XPO7: variants seen among roughly 807,000 people sequenced by gnomAD.
XPO7 encodes exportin-7.
XPO7 carries 21 observed loss-of-function variants against 144.3 expected under a neutral mutation model. That is an observed-to-expected ratio of 0.15 (90% CI 0.10 to 0.21). The LOEUF is 0.21. Among genes scored for constraint, XPO7 ranks in the 10% least tolerant of loss-of-function variants. The pLI is 1.00. For missense variants in XPO7, 808 were observed against 1,325.8 expected, an observed-to-expected ratio of 0.61 and a Z score of 6.06; for synonymous variants, 580 against 499.6, an observed-to-expected ratio of 1.16 and a Z score of -2.15.
chr8:21,928,499 CTG>C (rs1488900985), intron 1 of XPO7, among the ~76,000 whole-genome samples: 1 of 152,244 alleles, frequency 6.6e-6, no homozygotes, highest in African/African-American at 2.4e-5. Context: ...TTTAAAGAAA[CTG>C]TCAATTTTCC....
intron 1 of XPO7, among the ~76,000 whole-genome samples, chr8:21,946,408 T>G (rs1230962585): frequency 6.6e-6 from 1 of 151,938 alleles, no homozygotes; most frequent in Non-Finnish European, 1.5e-5. Flanking sequence ...GTGAATAGAT[T>G]AGCATATTAG....
At chr8:21,966,365 C>T (rs1811884533) in intron 1 of XPO7, 1 of 774,560 alleles carries the variant, frequency 1.3e-6, no homozygotes, top group African/African-American at 1.7e-5. Flanking sequence ...GTACAGGTGA[C>T]CATCTTTACG....
Position 21,999,628 on chromosome 8 carries a change from C to G in XPO7, c.2736C>G (p.Val912=). ...MNFIASLEPH[V]IMYILSSISE... ...TTATTGCAAGCCTGGAACCTCACGT[C>G]ATCATGTATATTCTCTCTTCCATTT... The change falls in exon 24 of 28, where the codon GTC becomes GTG. Residue 912 remains valine (V), a synonymous_variant. Transcript: ENST00000252512. The G allele has an allele frequency of 6.2e-7, 1 of 1,614,012 alleles. No individual in the cohort carries two copies. The highest frequency in any genetic ancestry group is 8.5e-7 in the Non-Finnish European group (1 of 1,179,900).
At chr8:21,996,017 A>T (rs577292067) in intron 21 of XPO7, among the ~76,000 whole-genome samples, 6 of 152,178 alleles carry the variant, frequency 3.9e-5, no homozygotes, top group Admixed American at 2.0e-4. Context: ...GGGTTTCACC[A>T]TGTTAGCCAG....
chr8:22,002,136 G>GCTC lies in XPO7; in HGVS notation c.2810_2812dup (p.Ser937dup). On this transcript the variant is annotated inframe_insertion, in exon 25 of 28. Transcript: ENST00000252512. ...GACACCATGGTATGCACAGGCTGCT[G>GCTC]CTCCTGCCTGGACCACATTGTGACA... 6.2e-7 allele frequency: 1 copy of GCTC among 1,611,174 alleles called. No homozygotes were observed. The highest frequency in any genetic ancestry group is 8.5e-7 in the Non-Finnish European group (1 of 1,178,704).
intron 5 of XPO7, 124 bp downstream of exon 5, chr8:21,972,065 C>A: frequency 1.2e-6 from 1 of 807,720 alleles, no homozygotes; most frequent in Non-Finnish European, 2.0e-6. Context: ...TGATTAATGC[C>A]CTTTTGAAAC....
Position 21,982,813 on chromosome 8 carries a change from G to A in XPO7, c.1277+1G>A, listed in dbSNP as rs758948401. The A allele has an allele frequency of 6.3e-7, 1 of 1,595,780 alleles. No homozygotes were observed. The highest frequency in any genetic ancestry group is 8.5e-7 in the Non-Finnish European group (1 of 1,173,854). ...TGGAATCTGTGCACATCATACTGAGGTAAGGAAACTTAGCCTCATTCATTC... is the reference window on the plus strand; with the variant it reads ...TGGAATCTGTGCACATCATACTGAGATAAGGAAACTTAGCCTCATTCATTC... On this transcript the variant is annotated splice_donor_variant, in intron 11 of 27. Coordinates refer to ENST00000252512, the MANE Select transcript of XPO7 (RefSeq NM_015024.5). LOFTEE classifies it high-confidence loss of function.
At chr8:22,004,178 CA>C in intron 27 of XPO7, 148 bp downstream of exon 27, 2 of 941,590 alleles carry the variant, frequency 2.1e-6, no homozygotes, top group Non-Finnish European at 3.1e-6. Context: ...CCATGTTAAA[CA>C]GGCAAAATTC....
chr8:21,999,604 T>C lies in XPO7; in HGVS notation c.2712T>C (p.Phe904=), dbSNP rs369903866. The C allele has an allele frequency of 9.9e-6, 16 of 1,614,052 alleles. No homozygotes were observed. The South Asian group carries it at 1.1e-4, about 11-fold the overall frequency. ...TCCTGACCCAGGACCATATGAACTT[T>C]ATTGCAAGCCTGGAACCTCACGTCA... ...LEVLTQDHMN[F]IASLEPHVIM... is the part of the protein sequence containing the mutation. Residue 904 remains phenylalanine (F), a synonymous_variant, in exon 24 of 28, where the codon TTT becomes TTC. Coordinates refer to ENST00000252512, the MANE Select transcript of XPO7 (RefSeq NM_015024.5).
chr8:21,979,564 C>A (rs964906511), intron 8 of XPO7, among the ~76,000 whole-genome samples: 1 of 151,822 alleles, frequency 6.6e-6, no homozygotes, highest in South Asian at 2.1e-4. Flanking sequence ...CCTGCCACCA[C>A]GCCCAGCTAA....
intron 1 of XPO7, among the ~76,000 whole-genome samples, chr8:21,951,028 G>A (rs951298407): frequency 6.6e-6 from 1 of 151,842 alleles, no homozygotes; most frequent in Admixed American, 6.6e-5. Context: ...CCCAAGAGGC[G>A]GAGGCTGGGG....
chr8:21,935,343 T>G (rs1252932259), intron 1 of XPO7, among the ~76,000 whole-genome samples: 1 of 152,250 alleles, frequency 6.6e-6, no homozygotes, highest in East Asian at 1.9e-4. Flanking sequence ...AATGCATTAT[T>G]TCTTTTTATT....
intron 27 of XPO7, among the ~76,000 whole-genome samples, chr8:22,004,252 T>C (rs1813250325): frequency 6.6e-6 from 1 of 152,216 alleles, no homozygotes; most frequent in Non-Finnish European, 1.5e-5. Flanking sequence ...GTGTAATCAG[T>C]ATTTTAAAAT....
At chr8:21,959,160 C>T (rs537217178) in intron 1 of XPO7, among the ~76,000 whole-genome samples, 14 of 152,124 alleles carry the variant, frequency 9.2e-5, no homozygotes, top group East Asian at 5.8e-4. Flanking sequence ...CTGCGAATAA[C>T]GAGGATCAAT....
intron 8 of XPO7, 22 bp downstream of exon 8, chr8:21,977,865 T>C: frequency 1.9e-6 from 3 of 1,603,878 alleles, no homozygotes; most frequent in Non-Finnish European, 2.6e-6. Flanking sequence ...CTACCGTTTC[T>C]TAAAGCAAAC....
At position 21,980,158 on chromosome 8, in the gene XPO7, C is replaced by A; in HGVS notation, c.912C>A (p.Leu304=). The A allele has an allele frequency of 6.2e-7, 1 of 1,604,870 alleles. No individual in the cohort carries two copies. The highest frequency in any genetic ancestry group is 8.5e-7 in the Non-Finnish European group (1 of 1,175,240). ...ACAATGCAGAGAGGGCCAAGTTTCT[C>A]TCTCATCTTGTTGATGGTGTTAAAC... ...LFNNAERAKF[L]SHLVDGVKRI... is the part of the protein sequence containing the mutation. The change falls in exon 9 of 28, where the codon CTC becomes CTA. Residue 304 remains leucine (L), a synonymous_variant. Coordinates refer to ENST00000252512, the MANE Select transcript of XPO7 (RefSeq NM_015024.5).
intron 1 of XPO7, among the ~76,000 whole-genome samples, chr8:21,935,930 T>G (rs997887240): frequency 1.3e-5 from 2 of 152,166 alleles, no homozygotes; most frequent in Non-Finnish European, 2.9e-5. Context: ...CACTATTCTG[T>G]CCCTTGGGGT....
At chr8:22,001,173 G>T (rs991786396) in intron 24 of XPO7, among the ~76,000 whole-genome samples, 2 of 152,116 alleles carry the variant, frequency 1.3e-5, no homozygotes, top group Non-Finnish European at 2.9e-5. Flanking sequence ...CGGCGTGGTG[G>T]TGTGTGCCTG....
rs1309568481 is a variant in XPO7 at position 21,998,944 on chromosome 8, A to G, written c.2428+107A>G. 3.7e-5 allele frequency: 54 copies of G among 1,465,212 alleles called. No homozygotes were observed. The East Asian group carries it at 1.2e-3, about 32-fold the overall frequency. The allele number at this position is 1,465,212 out of a possible 1,614,324, so 90.8% of individuals were successfully genotyped here. The stretch of plus-strand genomic sequence containing the variant: ...CAGTCCTGGCAGGAGCCAGGACAGC[A>G]TTCGTATTGTATGCTAATACATGTG... On this transcript the variant is annotated intron_variant, in intron 22 of 27. Transcript: ENST00000252512.
Sources: gnomAD v4.1 joint callset for allele counts (sites outside exome capture counted in the v4.1 genomes callset) on GRCh38, gnomAD v4.1.1 for gene constraint, MANE v1.5 for transcripts, NCBI Gene and HGNC (gene_info 2026-07-23, HGNC 2026-07-21) for gene names.